Variants in ZNF385D observed in about 807,000 individuals in gnomAD.
ZNF385D encodes the protein zinc finger protein 659.
ZNF385D carries 15 observed loss-of-function variants against 35.8 expected under a neutral mutation model. That is an observed-to-expected ratio of 0.42 (90% CI 0.28 to 0.64). The LOEUF (loss-of-function observed/expected upper bound fraction) is 0.64, where lower values mean the gene tolerates loss of function less well. ZNF385D is among the 30% of genes least tolerant of loss of function. ZNF385D has a pLI of 0.23. For missense variants in ZNF385D, 474 were observed against 494.6 expected (o/e 0.96, Z 0.39); for synonymous variants, 212 against 186.8 (o/e 1.13, Z -1.10).
intron 3 of ZNF385D, among the ~76,000 whole-genome samples, chr3:21,529,234 C>A (rs2061861926): frequency 6.6e-6 from 1 of 152,032 alleles, no homozygotes; most frequent in Admixed American, 6.6e-5. Context: ...TGCAGGAAAG[C>A]CAGGTAACGT....
chr3:22,216,241 G>A lies in ZNF385D; in HGVS notation c.107-47206C>T, dbSNP rs1007187613. Among the ~76,000 whole-genome samples the A allele has an allele frequency of 8.6e-5, 13 of 151,764 alleles. 1 individual carries two copies. In the Admixed American group the frequency reaches 8.6e-4, roughly 10 times the overall value. On this transcript the variant is annotated intron_variant, in intron 2 of 5. Transcript: ENST00000494108. ...TAAAACATTTTTATACTCAAATTTT[G>A]TAACTTGATAAATGTTTTGATTTAA...
At chr3:21,755,768 G>A (rs192704742), upstream of ZNF385D, among the ~76,000 whole-genome samples, 236 of 152,220 alleles carry the variant, frequency 1.6e-3, 1 homozygote, top group Middle Eastern at 3.4e-3. Flanking sequence ...ATTTATCTAT[G>A]AATTCATTCA....
At chr3:22,083,681 T>A (rs549697187) in intron 3 of ZNF385D, among the ~76,000 whole-genome samples, 1 of 152,210 alleles carries the variant, frequency 6.6e-6, no homozygotes, top group African/African-American at 2.4e-5. Flanking sequence ...CAAGAGAAAT[T>A]CCCCAACCTA....
intron 3 of ZNF385D, among the ~76,000 whole-genome samples, chr3:21,959,744 G>A (rs369713035): frequency 6.6e-6 from 1 of 152,158 alleles, no homozygotes; most frequent in African/African-American, 2.4e-5. Flanking sequence ...ATCTAGGAAG[G>A]TAACTTATTT....
chr3:21,436,206 G>A lies in ZNF385D; in HGVS notation c.673+764C>T, dbSNP rs529490952. Among the ~76,000 whole-genome samples the A allele has an allele frequency of 3.3e-5, 5 of 152,130 alleles. 1 individual carries two copies. Among genetic ancestry groups the A allele is most frequent in the African/African-American group, 1.2e-4 (5 of 41,526 alleles). ...GGGGGTATATATATATACACATACAGAGCAGCAAGATGGAACCAAAATATA... is the reference window on the plus strand; with the variant it reads ...GGGGGTATATATATATACACATACAAAGCAGCAAGATGGAACCAAAATATA... On this transcript the variant is annotated intron_variant, in intron 5 of 7. Coordinates refer to ENST00000281523, the MANE Select transcript of ZNF385D (RefSeq NM_024697.3).
At chr3:22,029,872 GATGGTTA>G (rs528614182) in intron 3 of ZNF385D, among the ~76,000 whole-genome samples, 87 of 152,104 alleles carry the variant, frequency 5.7e-4, no homozygotes, top group Non-Finnish European at 1.0e-4. Flanking sequence ...GTGGACTTGT[GATGGTTA>G]ATACTGAGTA....
chr3:22,124,701 G>A (rs921429517), intron 3 of ZNF385D, among the ~76,000 whole-genome samples: 1 of 152,012 alleles, frequency 6.6e-6, no homozygotes, highest in Non-Finnish European at 1.5e-5. Flanking sequence ...ATATTTGTTT[G>A]CTATTTGTAT....
In ZNF385D at chr3:21,627,286, T is replaced by A. The variant is rs78200591; in HGVS notation, c.165+37600A>T. On this transcript the variant is annotated intron_variant, in intron 2 of 7. Coordinates refer to ENST00000281523, the MANE Select transcript of ZNF385D (RefSeq NM_024697.3). ...GTGTGTGTGTGTGTGTGTGTGTGTG[T>A]GAATTACTACTGGTTTGTGAAGGTC... Among the ~76,000 whole-genome samples the A allele has an allele frequency of 5.3e-3, 770 of 144,632 alleles. 7 individuals are homozygous for A. Among genetic ancestry groups the A allele is most frequent in the African/African-American group, 0.016 (652 of 40,466 alleles). 94.9% of individuals were successfully genotyped at this position (144,632 alleles called of 152,430 possible).
intron 1 of ZNF385D, among the ~76,000 whole-genome samples, chr3:21,706,843 GATAGATAGATAAA>G (rs2067921182): frequency 8.3e-6 from 1 of 120,250 alleles, no homozygotes; most frequent in Admixed American, 8.0e-5. Flanking sequence ...TAGATAGATA[GATAGATAGATAAA>G]TAGATTAGAC....
chr3:21,817,056 C>G (rs565993532), intron 3 of ZNF385D, among the ~76,000 whole-genome samples: 39 of 152,232 alleles, frequency 2.6e-4, no homozygotes, highest in African/African-American at 9.1e-4. Flanking sequence ...TGATCTTTGA[C>G]AAACCTGACA....
intron 1 of ZNF385D, among the ~76,000 whole-genome samples, chr3:21,710,606 G>A (rs2068065378): frequency 2.0e-5 from 3 of 152,128 alleles, no homozygotes; most frequent in African/African-American, 7.2e-5. Context: ...CAGCTTTGAT[G>A]CTCAGTTGTT....
At chr3:21,927,273 C>CTT (rs71618874) in intron 3 of ZNF385D, among the ~76,000 whole-genome samples, 12 of 151,218 alleles carry the variant, frequency 7.9e-5, no homozygotes, top group South Asian at 2.1e-4. Flanking sequence ...AAATAAATCT[C>CTT]TTTTTTTTTA....
chr3:21,891,125 T>C (rs1228659203), intron 3 of ZNF385D, among the ~76,000 whole-genome samples: 1 of 152,206 alleles, frequency 6.6e-6, no homozygotes, highest in Non-Finnish European at 1.5e-5. Flanking sequence ...CTCTATAAGA[T>C]TTTTATGAAA....
At chr3:21,584,120 C>G (rs2063745995) in intron 2 of ZNF385D, among the ~76,000 whole-genome samples, 1 of 151,886 alleles carries the variant, frequency 6.6e-6, no homozygotes, top group Non-Finnish European at 1.5e-5. Context: ...ATTTCAAGCA[C>G]ACACCACCAC....
chr3:21,577,982 T>G (rs1435731350), intron 2 of ZNF385D, among the ~76,000 whole-genome samples: 1 of 151,874 alleles, frequency 6.6e-6, no homozygotes, highest in Middle Eastern at 3.4e-3. Context: ...GCTAATTTTT[T>G]AAATTTTTTC....
chr3:21,945,020 A>T (rs535851412), intron 3 of ZNF385D, among the ~76,000 whole-genome samples: 1 of 152,088 alleles, frequency 6.6e-6, no homozygotes, highest in Non-Finnish European at 1.5e-5. Flanking sequence ...CGATTTACAC[A>T]TAGGTAGTCT....
In ZNF385D at chr3:22,030,869, G is replaced by A. The variant is rs116316281; in HGVS notation, c.325+137948C>T. Among the ~76,000 whole-genome samples the A allele has an allele frequency of 7.4e-3, 1,121 of 152,278 alleles. 15 individuals are homozygous for A. The highest frequency in any genetic ancestry group is 0.024 in the African/African-American group (1,004 of 41,552). On this transcript the variant is annotated intron_variant, in intron 3 of 5. Coordinates refer to the ZNF385D transcript ENST00000494108. ...AACCTGTAAAATCAAAAACAAGTTA[G>A]TTATTTCCAAGACACAGTGGAGGTA...
chr3:22,072,219 T>C (rs1020443662), intron 3 of ZNF385D, among the ~76,000 whole-genome samples: 4 of 152,080 alleles, frequency 2.6e-5, no homozygotes, highest in East Asian at 1.9e-4. Context: ...TGAAAAAGGA[T>C]AGAATTTCTT....
intron 2 of ZNF385D, among the ~76,000 whole-genome samples, chr3:22,245,186 T>A (rs78959460): frequency 6.6e-6 from 1 of 152,148 alleles, no homozygotes; most frequent in Admixed American, 6.6e-5. Context: ...AGCAACATTA[T>A]TATTTTCTTT....
Sources: gnomAD v4.1 joint callset for allele counts (sites outside exome capture counted in the v4.1 genomes callset) on GRCh38, gnomAD v4.1.1 for gene constraint, MANE v1.5 for transcripts, NCBI Gene and HGNC (gene_info 2026-07-23, HGNC 2026-07-21) for gene names.